The following LRP1B variants were observed in gnomAD, a reference collection of about 807,000 sequenced individuals.
LRP1B encodes the protein LDL receptor related protein 1B, also known as low-density lipoprotein receptor-related protein 1B.
Under a neutral mutation model 556.6 loss-of-function variants are expected in LRP1B, and 217 were observed. That is an observed-to-expected ratio of 0.39 (90% confidence interval 0.35 to 0.44). The LOEUF (loss-of-function observed/expected upper bound fraction) is 0.44. Ranked by LOEUF, LRP1B falls within the 20% of genes least tolerant of loss-of-function variation. The pLI, the probability that LRP1B is intolerant of heterozygous loss-of-function variation, is 1.00. For synonymous variants in LRP1B, 2,047 were observed against 1,865.8 expected, an observed-to-expected ratio of 1.10 and a Z score of -2.50; for missense variants, 5,053 against 5,620.8, an observed-to-expected ratio of 0.90 and a Z score of 3.23.
intron 47 of LRP1B, among the ~76,000 whole-genome samples, chr2:140,528,030 ACTAATAGGGACAC>A (rs1172427786): frequency 6.6e-6 from 1 of 151,876 alleles, no homozygotes; most frequent in Non-Finnish European, 1.5e-5. Flanking sequence ...CCAGGAAGAT[ACTAATAGGGACAC>A]TTGCAACTCG....
At chr2:141,589,641 G>C (rs1304566330) in intron 2 of LRP1B, among the ~76,000 whole-genome samples, 2 of 152,132 alleles carry the variant, frequency 1.3e-5, no homozygotes, top group East Asian at 3.9e-4. Context: ...ACACTTATAA[G>C]AGAAAAAGGC....
At chr2:141,008,197 A>ATTGATT (rs1195074897) in intron 14 of LRP1B, among the ~76,000 whole-genome samples, 12 of 151,496 alleles carry the variant, frequency 7.9e-5, no homozygotes, top group African/African-American at 2.6e-4. Context: ...AAGGTCATTA[A>ATTGATT]CATATTAATA....
At chr2:140,715,462 C>A (rs575947101) in intron 37 of LRP1B, among the ~76,000 whole-genome samples, 1 of 151,944 alleles carries the variant, frequency 6.6e-6, no homozygotes, top group Admixed American at 6.6e-5. Context: ...TTTGGGTACT[C>A]ATGAAGCATC....
At chr2:140,779,791 T>C (rs1323901223) in intron 32 of LRP1B, among the ~76,000 whole-genome samples, 2 of 147,224 alleles carry the variant, frequency 1.4e-5, no homozygotes, top group East Asian at 4.0e-4. Flanking sequence ...TGTGTAGCAG[T>C]GCAGAGGGGA....
intron 1 of LRP1B, among the ~76,000 whole-genome samples, chr2:141,899,879 C>T (rs922432959): frequency 6.6e-6 from 1 of 151,952 alleles, no homozygotes. Flanking sequence ...TTGACAACTC[C>T]CTGCATTTGA....
At chr2:141,003,087 T>C (rs774303599) in intron 15 of LRP1B, among the ~76,000 whole-genome samples, 4 of 151,998 alleles carry the variant, frequency 2.6e-5, no homozygotes, top group South Asian at 2.1e-4. Flanking sequence ...CCAATTGTTA[T>C]GTCTAATAGA....
intron 2 of LRP1B, among the ~76,000 whole-genome samples, chr2:141,641,743 A>G (rs1689345355): frequency 6.6e-6 from 1 of 152,180 alleles, no homozygotes; most frequent in Non-Finnish European, 1.5e-5. Flanking sequence ...AAATGGTAAG[A>G]TAAAAGCAGA....
chr2:140,388,448 T>C (rs887210584), intron 66 of LRP1B, among the ~76,000 whole-genome samples: 1 of 152,118 alleles, frequency 6.6e-6, no homozygotes, highest in Non-Finnish European at 1.5e-5. Context: ...ATTTTGTATT[T>C]TTTCTATATT....
intron 3 of LRP1B, among the ~76,000 whole-genome samples, chr2:141,319,739 T>C (rs17602834): frequency 0.4 from 60,971 of 151,838 alleles, 12,708 homozygotes; most frequent in East Asian, 0.64. Context: ...CACTGTGTAT[T>C]GAATCGCAAG....
At chr2:141,496,856 A>G (rs1180870507) in intron 2 of LRP1B, among the ~76,000 whole-genome samples, 1 of 152,052 alleles carries the variant, frequency 6.6e-6, no homozygotes, top group Non-Finnish European at 1.5e-5. Flanking sequence ...AACCAGATAT[A>G]AAATGCGAGA....
At chr2:140,922,586 CT>C (rs1163821251) in intron 21 of LRP1B, among the ~76,000 whole-genome samples, 1 of 151,966 alleles carries the variant, frequency 6.6e-6, no homozygotes, top group Non-Finnish European at 1.5e-5. Context: ...GTTTGGCATG[CT>C]TATCTCTCTC....
intron 1 of LRP1B, among the ~76,000 whole-genome samples, chr2:142,068,498 A>G (rs1389045739): frequency 3.3e-5 from 5 of 151,540 alleles, no homozygotes; most frequent in African/African-American, 1.2e-4. Context: ...ACTGGGTTAT[A>G]TAGATAGTGA....
intron 7 of LRP1B, among the ~76,000 whole-genome samples, chr2:141,099,521 G>A (rs12996731): frequency 0.44 from 66,573 of 152,052 alleles, 15,255 homozygotes; most frequent in Middle Eastern, 0.55. Context: ...GCCAAAGCAT[G>A]TATGAGTGCA....
intron 3 of LRP1B, among the ~76,000 whole-genome samples, chr2:141,418,633 C>T (rs1229958734): frequency 6.6e-6 from 1 of 152,024 alleles, no homozygotes. Context: ...ATTTCTGTAG[C>T]TCTGTAATTA....
chr2:142,121,058 G>A (rs970601), intron 1 of LRP1B, among the ~76,000 whole-genome samples: 29,936 of 152,030 alleles, frequency 0.2, 3,233 homozygotes, highest in Middle Eastern at 0.42. Flanking sequence ...TATCTTTTGC[G>A]GCTTTATTTC....
At chr2:141,913,598 T>C (rs1898018) in intron 1 of LRP1B, among the ~76,000 whole-genome samples, 53,499 of 151,808 alleles carry the variant, frequency 0.35, 10,248 homozygotes, top group East Asian at 0.47. Flanking sequence ...CTTTCTCAAT[T>C]ACAAGTAAGG....
chr2:140,614,219 AC>A (rs1169644496), intron 41 of LRP1B, among the ~76,000 whole-genome samples: 1 of 151,908 alleles, frequency 6.6e-6, no homozygotes, highest in Non-Finnish European at 1.5e-5. Context: ...GCTGCACCTT[AC>A]CCCTATTGCA....
At chr2:140,879,805 G>A (rs6749242) in intron 25 of LRP1B, among the ~76,000 whole-genome samples, 3,022 of 152,032 alleles carry the variant, frequency 0.02, 97 homozygotes, top group African/African-American at 0.068. Context: ...GTCTACAGAT[G>A]CTGCAGTTCC....
intron 7 of LRP1B, among the ~76,000 whole-genome samples, chr2:141,133,532 A>G (rs1049885003): frequency 7.0e-4 from 106 of 152,138 alleles, no homozygotes; most frequent in African/African-American, 2.0e-3. Flanking sequence ...GTTTATTGTG[A>G]AGATTAAAGG....
Sources: allele counts gnomAD v4.1 joint callset (sites outside exome capture counted in the v4.1 genomes callset), GRCh38; gene constraint gnomAD v4.1.1; transcripts MANE v1.5; gene names NCBI Gene and HGNC (gene_info 2026-07-23, HGNC 2026-07-21).